ERG: variants seen among roughly 807,000 people sequenced by gnomAD.
The protein encoded by ERG is ETS transcription factor ERG, also known as transcriptional regulator ERG.
ERG carries 9 observed loss-of-function variants against 55.3 expected under a neutral mutation model. That is an observed-to-expected ratio of 0.16 (90% confidence interval 0.10 to 0.28). ERG has a LOEUF of 0.28. Among genes scored for constraint, ERG ranks in the 10% least tolerant of loss-of-function variants. ERG has a pLI of 1.00. For synonymous variants in ERG, 223 were observed against 237.3 expected, an observed-to-expected ratio of 0.94 and a Z score of 0.55; for missense variants, 434 against 631.6, an observed-to-expected ratio of 0.69 and a Z score of 3.35.
chr21:38,610,554 GC>G (rs896999671), intron 1 of ERG, among the ~76,000 whole-genome samples: 4 of 147,494 alleles, frequency 2.7e-5, no homozygotes, highest in Admixed American at 1.3e-4. Flanking sequence ...TGTGTGTTTA[GC>G]AAGAGGGGCT....
chr21:38,460,831 T>C lies in ERG; in HGVS notation c.19-15210A>G, dbSNP rs2059035121. 2.6e-5 allele frequency among the ~76,000 whole-genome samples: 4 copies of C among 152,216 alleles called. No homozygotes were observed. On this transcript the variant is annotated intron_variant, in intron 1 of 9. Transcript: ENST00000288319. This position sits in a 1 kb window ranked among gnomAD's most constrained non-coding sequence, Gnocchi z 5.0. ...TGAGGCTGTAGGTTTTAACGAGCTC[T>C]GAATGGCAAATGGCAGACAATGGTG...
chr21:38,567,097 C>G (rs1050048711), intron 2 of ERG, among the ~76,000 whole-genome samples: 3 of 152,100 alleles, frequency 2.0e-5, no homozygotes, highest in Non-Finnish European at 2.9e-5. Context: ...TGCAGCATGT[C>G]TGGGGAACAC....
At position 38,498,061 on chromosome 21, in the gene ERG, G is replaced by A. The variant is rs370929837; in HGVS notation, c.18+302C>T. Among the ~76,000 whole-genome samples the A allele has an allele frequency of 2.0e-5, 3 of 152,270 alleles. No homozygotes were observed. The highest frequency in any genetic ancestry group is 3.9e-4 in the East Asian group (2 of 5,180). ...CAGACACACATCCAGGCACCGTTAGGGATAGTTAGAGAATCTGAAAATTCA... is the reference window on the plus strand; with the variant it reads ...CAGACACACATCCAGGCACCGTTAGAGATAGTTAGAGAATCTGAAAATTCA... On this transcript the variant is annotated intron_variant, in intron 1 of 9. Transcript: ENST00000288319. The surrounding 1 kb of genome is among the most constrained non-coding windows in gnomAD (Gnocchi z 4.6).
chr21:38,508,479 A>G (rs2059487028), intron 2 of ERG, among the ~76,000 whole-genome samples: 1 of 152,190 alleles, frequency 6.6e-6, no homozygotes, highest in South Asian at 2.1e-4. Context: ...TTTTGCTGGC[A>G]TCATGATTAT....
chr21:38,394,355 T>C (rs1988108693), intron 6 of ERG, among the ~76,000 whole-genome samples: 1 of 145,766 alleles, frequency 6.9e-6, no homozygotes, highest in Non-Finnish European at 1.5e-5. Flanking sequence ...TTGTTTATTA[T>C]CTTTTTTTTT....
chr21:38,455,856 T>C (rs1457694505), intron 1 of ERG, among the ~76,000 whole-genome samples: 2 of 144,580 alleles, frequency 1.4e-5, no homozygotes, highest in Non-Finnish European at 3.1e-5. Flanking sequence ...ATTTTTTAAA[T>C]AATTGGTACG....
chr21:38,392,271 A>C (rs1011065919), intron 7 of ERG, 105 bp downstream of exon 7: 1 of 948,940 alleles, frequency 1.1e-6, no homozygotes, highest in Admixed American at 2.0e-5. Context: ...AACCCATCAC[A>C]TGTTGCAAAA....
At chr21:38,611,821 C>T (rs968248200) in intron 1 of ERG, among the ~76,000 whole-genome samples, 2 of 152,036 alleles carry the variant, frequency 1.3e-5, no homozygotes, top group African/African-American at 4.8e-5. Flanking sequence ...ACGGAGTGGG[C>T]AGGCAATAGG....
At chr21:38,434,078 A>T (rs1990351272) in intron 2 of ERG, among the ~76,000 whole-genome samples, 2 of 151,944 alleles carry the variant, frequency 1.3e-5, no homozygotes, top group South Asian at 4.1e-4. Context: ...CCTAACCCCC[A>T]TCATGGCCCA....
intron 1 of ERG, among the ~76,000 whole-genome samples, chr21:38,482,270 A>G (rs1345745939): frequency 6.6e-6 from 1 of 152,250 alleles, no homozygotes; most frequent in South Asian, 2.1e-4. Context: ...CAAGGTGCCC[A>G]ATATCACTAA....
chr21:38,507,917 T>C (rs2059475905), intron 2 of ERG, among the ~76,000 whole-genome samples: 1 of 4,256 alleles, frequency 2.3e-4, no homozygotes, highest in East Asian at 4.5e-3. Context: ...ACTTAAGTTG[T>C]GAGGAACCAG....
Position 38,472,978 on chromosome 21 carries a change from G to A in ERG, c.18+25385C>T, listed in dbSNP as rs117446088. ...TGAGCTTGGCTCCTCGGCTGACCTC[G>A]GCTCCCCGCCTGCAGACCCGGCATG... On this transcript the variant is annotated intron_variant, in intron 1 of 9. Transcript: ENST00000288319. Among the ~76,000 whole-genome samples the A allele has an allele frequency of 1.8e-3, 267 of 152,192 alleles. 5 individuals are homozygous for A. In the East Asian group the frequency reaches 0.042, roughly 24 times the overall value.
At chr21:38,605,647 C>A (rs557182779) in intron 1 of ERG, among the ~76,000 whole-genome samples, 48 of 152,270 alleles carry the variant, frequency 3.2e-4, no homozygotes, top group African/African-American at 1.1e-3. Flanking sequence ...GGGTGGGGTT[C>A]CAAGGCCCAA....
At chr21:38,396,839 G>C (rs11702043) in intron 6 of ERG, among the ~76,000 whole-genome samples, 6,058 of 152,104 alleles carry the variant, frequency 0.04, 184 homozygotes, top group Middle Eastern at 0.065. Context: ...TTGTAGAGGA[G>C]GTACAGAAAG....
chr21:38,544,319 C>T lies in ERG; in HGVS notation c.-41+31343G>A, dbSNP rs569404362. ...GGAGGAAGGCTGGCAGCGCTGGAGC[C>T]ACATGGACTGACAATGTCTAGCAGT... is the stretch of plus-strand genomic sequence containing the variant. On this transcript the variant is annotated intron_variant, in intron 2 of 8. Transcript: ENST00000398897. Among the ~76,000 whole-genome samples the T allele has an allele frequency of 3.8e-4, 58 of 152,286 alleles. No individual in the cohort carries two copies. The South Asian group carries it at 0.012, about 32-fold the overall frequency.
chr21:38,614,549 T>C (rs1158335118), intron 1 of ERG, among the ~76,000 whole-genome samples: 1 of 152,126 alleles, frequency 6.6e-6, no homozygotes, highest in African/African-American at 2.4e-5. Context: ...AGAAGGCGAC[T>C]GGGATGGATG....
chr21:38,560,935 T>C (rs1282495834), intron 2 of ERG, among the ~76,000 whole-genome samples: 3 of 152,222 alleles, frequency 2.0e-5, no homozygotes, highest in Admixed American at 2.0e-4. Context: ...GATGCAAGAA[T>C]AATAAGTCCT....
intron 1 of ERG, among the ~76,000 whole-genome samples, chr21:38,446,029 C>T (rs913358351): frequency 7.9e-5 from 12 of 151,796 alleles, no homozygotes; most frequent in Admixed American, 4.6e-4. Flanking sequence ...ATCTGAAGGC[C>T]AACACCTAAG....
upstream of ERG, among the ~76,000 whole-genome samples, chr21:38,587,259 T>A (rs1268728059): frequency 6.6e-6 from 1 of 152,198 alleles, no homozygotes. Flanking sequence ...CAGTCATACA[T>A]GGGCCCAAGG....
Sources: gnomAD v4.1 joint callset for allele counts (sites outside exome capture counted in the v4.1 genomes callset) on GRCh38, gnomAD v4.1.1 for gene constraint, Gnocchi (gnomAD v3.1) non-coding constraint, MANE v1.5 for transcripts, NCBI Gene and HGNC (gene_info 2026-07-23, HGNC 2026-07-21) for gene names.